MOB3B: variants seen among roughly 807,000 people sequenced by gnomAD.
The protein encoded by MOB3B is MOB kinase activator-like 2B.
MOB3B carries 7 observed loss-of-function variants against 18.7 expected under a neutral mutation model. The ratio of observed to expected loss-of-function variants is 0.37; its 90% CI spans 0.21 to 0.70. The LOEUF (loss-of-function observed/expected upper bound fraction) is 0.70. Among genes scored for constraint, MOB3B ranks in the 30% least tolerant of loss-of-function variants. MOB3B has a pLI of 0.52. For missense variants in MOB3B, 253 were observed against 281.3 expected (o/e 0.90, Z 0.72); for synonymous variants, 111 against 99.9 (o/e 1.11, Z -0.66).
intron 2 of MOB3B, among the ~76,000 whole-genome samples, chr9:27,448,953 T>A (rs751541730): frequency 7.9e-5 from 12 of 152,218 alleles, no homozygotes; most frequent in Non-Finnish European, 1.6e-4. Context: ...TTATCCCAGA[T>A]GTGACTAATA....
intron 2 of MOB3B, among the ~76,000 whole-genome samples, chr9:27,413,883 C>T (rs768366545): frequency 2.6e-5 from 4 of 152,110 alleles, no homozygotes; most frequent in Non-Finnish European, 4.4e-5. Context: ...TAAAACCAAG[C>T]CATAGCTGGT....
intron 1 of MOB3B, among the ~76,000 whole-genome samples, chr9:27,459,876 CAAAA>C (rs35792761): frequency 2.3e-5 from 2 of 86,734 alleles, no homozygotes; most frequent in African/African-American, 4.5e-5. Context: ...TTTCAGTCTC[CAAAA>C]AAAAAAAAAA....
intron 2 of MOB3B, among the ~76,000 whole-genome samples, chr9:27,360,119 T>C (rs1821251800): frequency 6.6e-6 from 1 of 152,212 alleles, no homozygotes. Context: ...TAATGTAAGA[T>C]CCTCCTACAG....
chr9:27,378,042 C>T (rs992180694), intron 2 of MOB3B, among the ~76,000 whole-genome samples: 1 of 152,236 alleles, frequency 6.6e-6, no homozygotes, highest in Non-Finnish European at 1.5e-5. Context: ...GTATACACCA[C>T]ATCATTTAAT....
At chr9:27,485,478 C>A (rs1344854687) in intron 1 of MOB3B, among the ~76,000 whole-genome samples, 2 of 152,200 alleles carry the variant, frequency 1.3e-5, no homozygotes, top group African/African-American at 2.4e-5. Flanking sequence ...ATCACAAAGC[C>A]CCAAATGTCA....
At chr9:27,391,403 T>A (rs937548380) in intron 2 of MOB3B, among the ~76,000 whole-genome samples, 1 of 152,214 alleles carries the variant, frequency 6.6e-6, no homozygotes. Context: ...CAGAGCTTTT[T>A]AAGTTATTTT....
intron 2 of MOB3B, among the ~76,000 whole-genome samples, chr9:27,446,925 T>A (rs1023330924): frequency 2.0e-5 from 3 of 152,124 alleles, no homozygotes; most frequent in Non-Finnish European, 4.4e-5. Flanking sequence ...TCCTAGAGCA[T>A]CCCATTTATT....
chr9:27,507,683 C>T (rs970134913), intron 1 of MOB3B, among the ~76,000 whole-genome samples: 1 of 152,212 alleles, frequency 6.6e-6, no homozygotes, highest in African/African-American at 2.4e-5. Context: ...TGAGTCCCCT[C>T]AGACCTACTG....
intron 2 of MOB3B, among the ~76,000 whole-genome samples, chr9:27,428,231 A>G (rs572383465): frequency 1.3e-5 from 2 of 152,292 alleles, no homozygotes; most frequent in South Asian, 4.2e-4. Flanking sequence ...CTCATGATCT[A>G]GTATATCTGT....
intron 2 of MOB3B, among the ~76,000 whole-genome samples, chr9:27,422,053 C>T (rs1306822050): frequency 6.6e-6 from 1 of 152,112 alleles, no homozygotes; most frequent in Non-Finnish European, 1.5e-5. Context: ...TGCCTGGAAC[C>T]CAGTAGGGGC....
chr9:27,339,929 A>G (rs150464425), intron 3 of MOB3B, among the ~76,000 whole-genome samples: 2,058 of 152,364 alleles, frequency 0.014, 49 homozygotes, highest in African/African-American at 0.047. Flanking sequence ...ATTCTTATAA[A>G]GCAGGCAGGG....
At chr9:27,429,990 A>T (rs7034989) in intron 2 of MOB3B, among the ~76,000 whole-genome samples, 1 of 152,182 alleles carries the variant, frequency 6.6e-6, no homozygotes, top group Non-Finnish European at 1.5e-5. Context: ...ACGAAGTTCT[A>T]TGGAGGCCCT....
intron 1 of MOB3B, among the ~76,000 whole-genome samples, chr9:27,507,823 C>T (rs749380460): frequency 2.6e-5 from 4 of 152,164 alleles, no homozygotes; most frequent in Non-Finnish European, 4.4e-5. Context: ...TCATGTTCTA[C>T]AGACTGTTTA....
intron 1 of MOB3B, among the ~76,000 whole-genome samples, chr9:27,528,271 G>A (rs971650486): frequency 3.3e-5 from 5 of 152,188 alleles, no homozygotes; most frequent in Non-Finnish European, 5.9e-5. Context: ...CCTACCAAAG[G>A]TGCCCCGATC....
At chr9:27,451,440 G>A (rs1252221458) in intron 2 of MOB3B, among the ~76,000 whole-genome samples, 1 of 152,160 alleles carries the variant, frequency 6.6e-6, no homozygotes, top group Admixed American at 6.5e-5. Context: ...TCTGCCATCT[G>A]AGAAAGTTCG....
chr9:27,369,111 G>T (rs1397136946), intron 2 of MOB3B, among the ~76,000 whole-genome samples: 1 of 152,196 alleles, frequency 6.6e-6, no homozygotes, highest in African/African-American at 2.4e-5. Flanking sequence ...CTGAGAACAG[G>T]ATGTTAATGA....
At chr9:27,524,866 A>G (rs1381354528) in intron 1 of MOB3B, 2 of 1,614,138 alleles carry the variant, frequency 1.2e-6, no homozygotes, top group Admixed American at 3.3e-5. Flanking sequence ...AAAGAAAAGA[A>G]ATACAGTGAC....
At chr9:27,394,652 C>T (rs1007548709) in intron 2 of MOB3B, among the ~76,000 whole-genome samples, 1 of 152,208 alleles carries the variant, frequency 6.6e-6, no homozygotes, top group Non-Finnish European at 1.5e-5. Context: ...ACGGTCACAC[C>T]TACTTATGCT....
chr9:27,349,217 A>T (rs1246710882), intron 3 of MOB3B, among the ~76,000 whole-genome samples: 1 of 152,192 alleles, frequency 6.6e-6, no homozygotes, highest in African/African-American at 2.4e-5. Context: ...GGTGGTTTGT[A>T]TATCTGACCT....
Sources: allele counts gnomAD v4.1 joint callset (sites outside exome capture counted in the v4.1 genomes callset), GRCh38; gene constraint gnomAD v4.1.1; transcripts MANE v1.5; gene names NCBI Gene and HGNC (gene_info 2026-07-23, HGNC 2026-07-21).